The following ARHGAP6 variants were observed in gnomAD, a reference collection of about 807,000 sequenced individuals.
The protein encoded by ARHGAP6 is rho GTPase-activating protein 6.
In ARHGAP6, 16 loss-of-function variants were observed where a neutral mutation model predicts 55.7. That is an observed-to-expected ratio of 0.29 (90% CI 0.19 to 0.44). The LOEUF is 0.44. Among genes scored for constraint, ARHGAP6 ranks in the 20% least tolerant of loss-of-function variants. ARHGAP6 has a pLI of 1.00. For synonymous variants in ARHGAP6, 382 were observed against 360.9 expected (o/e 1.06, Z -0.66); for missense variants, 698 against 808.9 (o/e 0.86, Z 1.66).
At chrX:11,217,334 G>A (rs1195813004) in intron 2 of ARHGAP6, among the ~76,000 whole-genome samples, 5 of 112,025 alleles carry the variant, frequency 4.5e-5, no homozygotes, top group Admixed American at 1.9e-4. Flanking sequence ...TCCACCAACA[G>A]TGTAAAAGCA....
chrX:11,177,228 G>T (rs960740279), intron 8 of ARHGAP6, among the ~76,000 whole-genome samples: 1 of 110,208 alleles, frequency 9.1e-6, no homozygotes, highest in Non-Finnish European at 1.9e-5. Flanking sequence ...TTAAGGTGAA[G>T]ATTAAATACG....
chrX:11,634,384 A>C (rs2052394566), intron 1 of ARHGAP6, among the ~76,000 whole-genome samples: 1 of 111,986 alleles, frequency 8.9e-6, no homozygotes, highest in Non-Finnish European at 1.9e-5. Flanking sequence ...GAGGCATTTT[A>C]ATAGCCTAAC....
chrX:11,476,539 GACTT>G (rs1443821897), intron 1 of ARHGAP6, among the ~76,000 whole-genome samples: 1 of 111,292 alleles, frequency 9.0e-6, no homozygotes, highest in East Asian at 2.8e-4. Flanking sequence ...CAAATTATAG[GACTT>G]ACAGTGTCTG....
At chrX:11,637,526 C>A (rs773890909) in intron 1 of ARHGAP6, among the ~76,000 whole-genome samples, 1 of 111,334 alleles carries the variant, frequency 9.0e-6, no homozygotes, top group South Asian at 3.8e-4. Flanking sequence ...AACCATTAAC[C>A]TAATTATTTG....
intron 1 of ARHGAP6, among the ~76,000 whole-genome samples, chrX:11,417,059 C>CATATAT (rs768174897): frequency 0.019 from 615 of 33,243 alleles, 24 homozygotes; most frequent in Non-Finnish European, 0.021. Context: ...TGGGTGTGTA[C>CATATAT]ATATATATAT....
intron 2 of ARHGAP6, among the ~76,000 whole-genome samples, chrX:11,230,880 C>T (rs999948343): frequency 6.3e-5 from 7 of 110,713 alleles, no homozygotes; most frequent in Admixed American, 9.6e-5. Flanking sequence ...CCCCACTATC[C>T]ATGTACCCCA....
chrX:11,371,088 A>G (rs1259753088), intron 1 of ARHGAP6, among the ~76,000 whole-genome samples: 3 of 112,112 alleles, frequency 2.7e-5, no homozygotes, highest in Non-Finnish European at 5.6e-5. Flanking sequence ...TTCCATGCAG[A>G]AAGAAGAGAA....
intron 1 of ARHGAP6, among the ~76,000 whole-genome samples, chrX:11,587,424 A>G (rs1296150157): frequency 1.8e-5 from 2 of 111,979 alleles, no homozygotes; most frequent in Non-Finnish European, 3.8e-5. Flanking sequence ...TTCTTTCTAG[A>G]TAAGAATTTG....
At chrX:11,367,613 A>G (rs2106415) in intron 1 of ARHGAP6, among the ~76,000 whole-genome samples, 7,007 of 112,337 alleles carry the variant, frequency 0.062, 235 homozygotes, top group African/African-American at 0.13. Context: ...TATATAAATA[A>G]TATGGTCATT....
intron 2 of ARHGAP6, among the ~76,000 whole-genome samples, chrX:11,235,475 C>T (rs1055179310): frequency 2.7e-5 from 3 of 111,438 alleles, no homozygotes; most frequent in Admixed American, 9.4e-5. Context: ...AGACATTTTC[C>T]CCATTGTCTT....
intron 2 of ARHGAP6, chrX:11,224,184 TGAA>T (rs1178239813): frequency 1.7e-5 from 2 of 119,631 alleles, no homozygotes; most frequent in African/African-American, 6.7e-5. Context: ...AGCAGAAAGA[TGAA>T]GAAGAAAGAA....
intron 2 of ARHGAP6, among the ~76,000 whole-genome samples, chrX:11,241,314 T>C (rs1459118555): frequency 1.8e-5 from 2 of 110,578 alleles, no homozygotes; most frequent in Admixed American, 9.7e-5. Context: ...TTTTAATGTT[T>C]GATTCCTTAT....
At chrX:11,598,596 G>A (rs1341576641) in intron 1 of ARHGAP6, among the ~76,000 whole-genome samples, 5 of 111,953 alleles carry the variant, frequency 4.5e-5, no homozygotes, top group Non-Finnish European at 7.5e-5. Flanking sequence ...GTGAAAACAC[G>A]CAGTGTTTAG....
At chrX:11,233,840 T>A (rs551423945) in intron 2 of ARHGAP6, among the ~76,000 whole-genome samples, 16 of 112,309 alleles carry the variant, frequency 1.4e-4, no homozygotes, top group African/African-American at 5.2e-4. Context: ...AAAAAGCCTA[T>A]AAAGAAATAC....
chrX:11,149,539 G>A (rs939104116), intron 10 of ARHGAP6, among the ~76,000 whole-genome samples: 1 of 111,369 alleles, frequency 9.0e-6, no homozygotes, highest in African/African-American at 3.3e-5. Context: ...CCACTCAATA[G>A]GACTCTTTGC....
chrX:11,206,361 A>G (rs978650531), intron 2 of ARHGAP6, among the ~76,000 whole-genome samples: 6 of 112,332 alleles, frequency 5.3e-5, no homozygotes, highest in Admixed American at 9.5e-5. Context: ...ACATCAAATT[A>G]AACTTGTAAG....
Position 11,599,261 on chromosome X carries a change from G to T in ARHGAP6, c.588+64980C>A, listed in dbSNP as rs2051941479. Among the ~76,000 whole-genome samples the T allele has an allele frequency of 3.6e-5, 4 of 110,952 alleles. No homozygotes were observed. The Admixed American group carries it at 3.8e-4, about 11-fold the overall frequency. On this transcript the variant is annotated intron_variant, in intron 1 of 12. Transcript: ENST00000337414. ...GAGATCCTGATTTTAATTCCTTTGG[G>T]TAAATACCTAGAAGTGGAATCTCTG... is the stretch of plus-strand genomic sequence containing the variant.
intron 1 of ARHGAP6, among the ~76,000 whole-genome samples, chrX:11,655,805 A>T (rs959559982): frequency 8.9e-6 from 1 of 112,539 alleles, no homozygotes; most frequent in Non-Finnish European, 1.9e-5. Context: ...TCACGCCCCA[A>T]AGGCAAGCCT....
chrX:11,416,001 T>G (rs2049742622), intron 1 of ARHGAP6, among the ~76,000 whole-genome samples: 1 of 112,070 alleles, frequency 8.9e-6, no homozygotes, highest in Admixed American at 9.4e-5. Context: ...ACAAACACAC[T>G]TCTACATTTT....
Sources: allele counts gnomAD v4.1 joint callset (sites outside exome capture counted in the v4.1 genomes callset), GRCh38; gene constraint gnomAD v4.1.1; transcripts MANE v1.5; gene names NCBI Gene and HGNC (gene_info 2026-07-23, HGNC 2026-07-21).